Variants in COL5A2 observed in about 807,000 individuals in gnomAD.
The protein encoded by COL5A2 is collagen type V alpha 2 chain, also known as collagen alpha-2(V) chain.
In COL5A2, 23 loss-of-function variants were observed where a neutral mutation model predicts 208.2. The observed-to-expected ratio is 0.11, with a 90% CI of 0.08 to 0.16. The LOEUF is 0.16. COL5A2 is among the 10% of genes least tolerant of loss of function. The pLI, the probability that COL5A2 is intolerant of heterozygous loss-of-function variation, is 1.00. For missense variants in COL5A2, 1,590 were observed against 1,956.4 expected (o/e 0.81, Z 3.53); for synonymous variants, 625 against 628.5 (o/e 0.99, Z 0.08).
the COL5A2 span, among the ~76,000 whole-genome samples, chr2:189,400,551 G>T: frequency 6.6e-6 from 1 of 152,076 alleles, no homozygotes; most frequent in African/African-American, 2.4e-5. Context: ...TTATTATAAA[G>T]TCCATGTTAA....
At chr2:189,303,669 T>C in the COL5A2 span, among the ~76,000 whole-genome samples, 1 of 152,208 alleles carries the variant, frequency 6.6e-6, no homozygotes, top group Admixed American at 6.5e-5. Context: ...CTTGTAACAA[T>C]AGCTGAGTGT....
intron 3 of COL5A2, among the ~76,000 whole-genome samples, chr2:189,103,712 T>G (rs539654602): frequency 6.6e-6 from 1 of 152,088 alleles, no homozygotes; most frequent in South Asian, 2.1e-4. Context: ...AGAATTAGAT[T>G]TTAAGCTCTC....
At chr2:189,137,105 T>G (rs1330932579) in intron 1 of COL5A2, among the ~76,000 whole-genome samples, 1 of 152,198 alleles carries the variant, frequency 6.6e-6, no homozygotes, top group Admixed American at 6.5e-5. Flanking sequence ...TCTTCGTTCG[T>G]GTTTATTCTG....
chr2:189,063,279 T>C lies in COL5A2; in HGVS notation c.1771-9A>G, dbSNP rs1418167007. On this transcript the variant is annotated splice_polypyrimidine_tract_variant and intron_variant, in intron 26 of 53. Transcript: ENST00000374866. ...TCTTCCCCTGGCGCACCCTATAGAA[T>C]TGACAGGAGCCATGTAAGTTTCATG... The C allele has an allele frequency of 6.2e-7, 1 of 1,610,248 alleles. No homozygotes were observed. Among genetic ancestry groups the C allele is most frequent in the Admixed American group, 1.7e-5 (1 of 59,990 alleles).
At chr2:189,222,613 C>A (rs1324885047) in intron 1 of COL5A2, among the ~76,000 whole-genome samples, 1 of 152,042 alleles carries the variant, frequency 6.6e-6, no homozygotes, top group Non-Finnish European at 1.5e-5. Flanking sequence ...CGGGTAATTT[C>A]CTTCTTAGGC....
chr2:189,124,030 T>C (rs911138207), intron 1 of COL5A2, among the ~76,000 whole-genome samples: 4 of 152,106 alleles, frequency 2.6e-5, no homozygotes, highest in Non-Finnish European at 4.4e-5. Context: ...AAGTGACAAA[T>C]AGAGCTCCTG....
chr2:189,089,800 A>G (rs1374393598), intron 7 of COL5A2, among the ~76,000 whole-genome samples: 1 of 152,134 alleles, frequency 6.6e-6, no homozygotes, highest in Admixed American at 6.5e-5. Flanking sequence ...TAGTTGTTTT[A>G]GGTGCCTTGA....
chr2:189,330,177 G>A, the COL5A2 span, among the ~76,000 whole-genome samples: 2 of 152,232 alleles, frequency 1.3e-5, no homozygotes, highest in Non-Finnish European at 2.9e-5. Flanking sequence ...GGCAGGGCAG[G>A]AGGTCTGAAA....
At chr2:189,074,405 T>A (rs1686351114) in intron 17 of COL5A2, among the ~76,000 whole-genome samples, 1 of 152,196 alleles carries the variant, frequency 6.6e-6, no homozygotes, top group Non-Finnish European at 1.5e-5. Flanking sequence ...TGAAGCAAAA[T>A]ACAATAGCCT....
intron 1 of COL5A2, among the ~76,000 whole-genome samples, chr2:189,150,846 G>A (rs1260727687): frequency 6.6e-6 from 1 of 152,094 alleles, no homozygotes; most frequent in Non-Finnish European, 1.5e-5. Flanking sequence ...GCATCCATAA[G>A]TGGCTGTAAA....
At chr2:189,316,265 A>T in the COL5A2 span, among the ~76,000 whole-genome samples, 2 of 152,306 alleles carry the variant, frequency 1.3e-5, no homozygotes, top group African/African-American at 2.4e-5. Context: ...ATACCATGAA[A>T]TACTATGCAG....
At chr2:189,158,450 A>C (rs11684869) in intron 1 of COL5A2, among the ~76,000 whole-genome samples, 21,648 of 151,976 alleles carry the variant, frequency 0.14, 1,962 homozygotes, top group Non-Finnish European at 0.2. Flanking sequence ...TATAAAACTA[A>C]AAGAAATTAG....
chr2:189,288,685 A>G, the COL5A2 span, among the ~76,000 whole-genome samples: 2 of 152,212 alleles, frequency 1.3e-5, no homozygotes, highest in Non-Finnish European at 2.9e-5. Context: ...AAAACTGGAC[A>G]AAAAAGAATA....
chr2:189,384,963 A>T, the COL5A2 span, among the ~76,000 whole-genome samples: 1 of 152,136 alleles, frequency 6.6e-6, no homozygotes, highest in Admixed American at 6.6e-5. Flanking sequence ...AATATTTGCT[A>T]TTTATTTCTG....
intron 21 of COL5A2, among the ~76,000 whole-genome samples, chr2:189,067,164 G>C (rs546373762): frequency 6.6e-6 from 1 of 152,176 alleles, no homozygotes; most frequent in African/African-American, 2.4e-5. Context: ...ATGTGAACTT[G>C]TTTACCCAGA....
intron 16 of COL5A2, among the ~76,000 whole-genome samples, chr2:189,076,968 G>A (rs1467411350): frequency 6.6e-6 from 1 of 152,062 alleles, no homozygotes; most frequent in East Asian, 1.9e-4. Flanking sequence ...CCAGCTATTT[G>A]GGTGAGAGTA....
the COL5A2 span, among the ~76,000 whole-genome samples, chr2:189,406,255 CTTGAAA>C: frequency 6.6e-6 from 1 of 152,046 alleles, no homozygotes; most frequent in African/African-American, 2.4e-5. Flanking sequence ...CTGCTGAAAA[CTTGAAA>C]TTGATGCTTT....
intron 1 of COL5A2, among the ~76,000 whole-genome samples, chr2:189,146,697 G>A (rs538351200): frequency 5.9e-5 from 9 of 152,222 alleles, no homozygotes; most frequent in South Asian, 2.1e-4. Context: ...ACCACGGGAC[G>A]TCTGGAGACT....
intron 2 of COL5A2, among the ~76,000 whole-genome samples, chr2:189,104,518 A>G (rs188825626): frequency 5.4e-4 from 82 of 152,098 alleles, no homozygotes; most frequent in Middle Eastern, 3.4e-3. Flanking sequence ...TTTATATGAC[A>G]TTTAAAGTTC....
Sources: gnomAD v4.1 joint callset for allele counts (sites outside exome capture counted in the v4.1 genomes callset) on GRCh38, gnomAD v4.1.1 for gene constraint, MANE v1.5 for transcripts, NCBI Gene and HGNC (gene_info 2026-07-23, HGNC 2026-07-21) for gene names.